The following CNTN4 variants were observed in gnomAD, a reference collection of about 807,000 sequenced individuals.
CNTN4 encodes the protein contactin-4.
In CNTN4, 77 loss-of-function variants were observed where a neutral mutation model predicts 122.5. The observed-to-expected ratio is 0.63, with a 90% confidence interval of 0.52 to 0.76. The LOEUF is 0.76. Ranked by LOEUF, CNTN4 falls within the 30% of genes least tolerant of loss-of-function variation. The pLI, the probability that CNTN4 is intolerant of heterozygous loss-of-function variation, is 0.00. For synonymous variants in CNTN4, 512 were observed against 447.0 expected (o/e 1.15, Z -1.83); for missense variants, 1,256 against 1,259.1 (o/e 1.00, Z 0.04).
At chr3:2,340,234 ATTAAAG>A (rs1354955119) in intron 3 of CNTN4, among the ~76,000 whole-genome samples, 7 of 152,218 alleles carry the variant, frequency 4.6e-5, no homozygotes, top group Non-Finnish European at 7.3e-5. Context: ...GTCTAGTGAA[ATTAAAG>A]TTAATTATTG....
At chr3:2,460,489 G>A (rs2049164401) in intron 3 of CNTN4, among the ~76,000 whole-genome samples, 1 of 152,038 alleles carries the variant, frequency 6.6e-6, no homozygotes, top group African/African-American at 2.4e-5. Context: ...CCTCCTTTGG[G>A]CTCAAATATT....
chr3:2,169,658 A>T (rs771791942), intron 2 of CNTN4, among the ~76,000 whole-genome samples: 1 of 151,954 alleles, frequency 6.6e-6, no homozygotes, highest in South Asian at 2.1e-4. Flanking sequence ...CCGCCTCCCA[A>T]AGTGCTGGGA....
rs558732153 is a variant in CNTN4 at position 2,916,707 on chromosome 3, G to A, written c.1208-8922G>A. Among the ~76,000 whole-genome samples, 4 of 140,934 alleles carry A rather than the reference G, an allele frequency of 2.8e-5. No homozygotes were observed. In the Admixed American group the frequency reaches 2.9e-4, roughly 10 times the overall value. 92.5% of individuals were successfully genotyped at this position (140,934 alleles called of 152,430 possible). ...CGTCATCATGGCCCGTTCTCAATGAGCTGTTGGGTACACCTCCCAGACGGG... is the reference window on the plus strand; with the variant it reads ...CGTCATCATGGCCCGTTCTCAATGAACTGTTGGGTACACCTCCCAGACGGG... On this transcript the variant is annotated intron_variant, in intron 12 of 24. Coordinates refer to ENST00000418658, the MANE Select transcript of CNTN4 (RefSeq NM_175607.3).
chr3:2,285,248 T>G (rs1389503856), intron 2 of CNTN4, among the ~76,000 whole-genome samples: 1 of 152,066 alleles, frequency 6.6e-6, no homozygotes, highest in Non-Finnish European at 1.5e-5. Flanking sequence ...AAAGCCCATT[T>G]AAGGAGTTCT....
intron 13 of CNTN4, among the ~76,000 whole-genome samples, chr3:2,937,087 A>G (rs1444472674): frequency 6.6e-6 from 1 of 152,202 alleles, no homozygotes; most frequent in African/African-American, 2.4e-5. Flanking sequence ...GTATTAAAAC[A>G]TCTTCATAGT....
chr3:2,839,236 A>C (rs1025437322), intron 7 of CNTN4, among the ~76,000 whole-genome samples: 6 of 152,240 alleles, frequency 3.9e-5, no homozygotes, highest in Non-Finnish European at 8.8e-5. Flanking sequence ...AGGTGTTTTC[A>C]AGATCCATTT....
At chr3:2,898,020 C>G (rs2094134020) in intron 10 of CNTN4, among the ~76,000 whole-genome samples, 1 of 152,098 alleles carries the variant, frequency 6.6e-6, no homozygotes, top group Non-Finnish European at 1.5e-5. Context: ...GTAACCCCCC[C>G]CAAATATGGA....
At chr3:2,653,142 C>T (rs974114502) in intron 4 of CNTN4, among the ~76,000 whole-genome samples, 5 of 151,948 alleles carry the variant, frequency 3.3e-5, no homozygotes, top group East Asian at 3.9e-4. Context: ...TTAAAACATA[C>T]GCGTTAATAC....
chr3:2,363,630 G>C (rs1159640203), intron 3 of CNTN4, among the ~76,000 whole-genome samples: 1 of 152,094 alleles, frequency 6.6e-6, no homozygotes, highest in Non-Finnish European at 1.5e-5. Flanking sequence ...TTTAGATCCA[G>C]ATTTACCTGA....
intron 7 of CNTN4, among the ~76,000 whole-genome samples, chr3:2,856,439 A>G (rs567746798): frequency 6.6e-6 from 1 of 152,348 alleles, no homozygotes; most frequent in East Asian, 1.9e-4. Context: ...AAGAGAGTGC[A>G]CAAGCCTTGT....
intron 2 of CNTN4, among the ~76,000 whole-genome samples, chr3:2,222,300 A>G (rs2039091080): frequency 1.3e-5 from 2 of 152,238 alleles, no homozygotes; most frequent in Non-Finnish European, 2.9e-5. Context: ...ACAAGGGATC[A>G]CATATTATAT....
intron 2 of CNTN4, among the ~76,000 whole-genome samples, chr3:2,228,209 A>T (rs1031118006): frequency 6.6e-6 from 1 of 151,782 alleles, no homozygotes; most frequent in African/African-American, 2.4e-5. Flanking sequence ...GGCAATCCAT[A>T]GCCCACTGGC....
intron 2 of CNTN4, among the ~76,000 whole-genome samples, chr3:2,139,073 G>C (rs1203952546): frequency 6.6e-6 from 1 of 152,152 alleles, no homozygotes; most frequent in African/African-American, 2.4e-5. Flanking sequence ...GGGGGAGCAT[G>C]TGGCCTTCTG....
intron 2 of CNTN4, among the ~76,000 whole-genome samples, chr3:2,169,669 T>C (rs1043154194): frequency 1.5e-4 from 23 of 151,788 alleles, no homozygotes; most frequent in South Asian, 6.3e-4. Context: ...AGTGCTGGGA[T>C]TACAGGCGTG....
intron 4 of CNTN4, among the ~76,000 whole-genome samples, chr3:2,699,341 G>C (rs533263995): frequency 5.3e-5 from 8 of 152,068 alleles, no homozygotes; most frequent in Admixed American, 1.3e-4. Flanking sequence ...TCTCCACTCG[G>C]TTCCTTCCTG....
intron 2 of CNTN4, among the ~76,000 whole-genome samples, chr3:2,209,727 A>G (rs2038523866): frequency 6.6e-6 from 1 of 152,178 alleles, no homozygotes; most frequent in African/African-American, 2.4e-5. Context: ...TGATAAAGCT[A>G]AAATTTAATA....
chr3:2,819,096 G>C lies in CNTN4; in HGVS notation c.359-390G>C, dbSNP rs139715970. 9.1e-4 allele frequency among the ~76,000 whole-genome samples: 138 copies of C among 152,268 alleles called. 1 individual carries two copies. The highest frequency in any genetic ancestry group is 1.4e-3 in the Non-Finnish European group (96 of 68,016). On this transcript the variant is annotated intron_variant, in intron 6 of 24. Transcript: ENST00000418658. The stretch of plus-strand genomic sequence containing the variant: ...CTTTAAACCTCAGTTTCTTCACCTA[G>C]ACCTGCACTATCCAATGTGATGTCC...
chr3:2,122,170 T>A (rs909457541), intron 2 of CNTN4, among the ~76,000 whole-genome samples: 4 of 139,792 alleles, frequency 2.9e-5, no homozygotes, highest in Admixed American at 1.5e-4. Context: ...AAAAAAAAAA[T>A]TATTTTTCTT....
rs372523176 is a variant in CNTN4, at chr3:2,577,197, T to A, written c.55+5639T>A. 5.9e-5 allele frequency among the ~76,000 whole-genome samples: 9 copies of A among 152,216 alleles called. No individual in the cohort carries two copies. In the South Asian group the frequency reaches 1.0e-3, roughly 18 times the overall value. Reference sequence around the variant, plus strand: ...ACTAAACTGCTTGGAAGTCCTGCTCTTAGCCTCTACTTTTAGGGGAGTCCA... The same window carrying A: ...ACTAAACTGCTTGGAAGTCCTGCTCATAGCCTCTACTTTTAGGGGAGTCCA... On this transcript the variant is annotated intron_variant, in intron 4 of 24. Coordinates refer to ENST00000418658, the MANE Select transcript of CNTN4 (RefSeq NM_175607.3).
Sources: gnomAD v4.1 joint callset for allele counts (sites outside exome capture counted in the v4.1 genomes callset) on GRCh38, gnomAD v4.1.1 for gene constraint, MANE v1.5 for transcripts, NCBI Gene and HGNC (gene_info 2026-07-23, HGNC 2026-07-21) for gene names.